Variants in PRDM16 observed in about 807,000 individuals in gnomAD.
The protein encoded by PRDM16 is PR/SET domain 16, also known as histone-lysine N-methyltransferase PRDM16.
PRDM16 carries 23 observed loss-of-function variants against 110.6 expected under a neutral mutation model. That is an observed-to-expected ratio of 0.21 (90% CI 0.15 to 0.29). PRDM16 has a LOEUF of 0.29. Ranked by LOEUF, PRDM16 falls within the 10% of genes least tolerant of loss-of-function variation. PRDM16 has a pLI of 1.00. For synonymous variants in PRDM16, 799 were observed against 781.8 expected, an observed-to-expected ratio of 1.02 and a Z score of -0.37; for missense variants, 1,615 against 1,794.3, an observed-to-expected ratio of 0.90 and a Z score of 1.81.
At chr1:3,211,876 G>A (rs143760842) in intron 2 of PRDM16, among the ~76,000 whole-genome samples, 1 of 152,372 alleles carries the variant, frequency 6.6e-6, no homozygotes, top group Non-Finnish European at 1.5e-5. Flanking sequence ...GTGAGTGTGT[G>A]GGTGGGAGCG....
chr1:3,393,054 G>A (rs895393116), intron 4 of PRDM16, among the ~76,000 whole-genome samples: 2 of 152,188 alleles, frequency 1.3e-5, no homozygotes, highest in African/African-American at 4.8e-5. Context: ...AGTCTGTTTG[G>A]CATCATTATT....
rs540745961 is a variant in PRDM16, at chr1:3,220,776, C to G, written c.388-23311C>G. ...GGGAGGCAGCCCAGGGTGCAGGGCTCGTGCATCTGCTCGCCTCCTCCAAGG... is the reference window on the plus strand; with the variant it reads ...GGGAGGCAGCCCAGGGTGCAGGGCTGGTGCATCTGCTCGCCTCCTCCAAGG... On this transcript the variant is annotated intron_variant, in intron 2 of 16. Transcript: ENST00000270722. Among the ~76,000 whole-genome samples the G allele has an allele frequency of 1.6e-4, 24 of 152,268 alleles. No individual in the cohort carries two copies. In the Middle Eastern group the frequency reaches 0.01, roughly 65 times the overall value.
At chr1:3,369,086 G>C (rs1257935746) in intron 3 of PRDM16, among the ~76,000 whole-genome samples, 1 of 152,158 alleles carries the variant, frequency 6.6e-6, no homozygotes, top group Non-Finnish European at 1.5e-5. Context: ...GACCTGAAAG[G>C]GATCCAGGTA....
rs1214802000 is a variant in PRDM16 at position 3,425,873 on chromosome 1, G to T, written c.3109+123G>T. 1.9e-5 allele frequency: 25 copies of T among 1,320,954 alleles called. No individual in the cohort carries two copies. The highest frequency in any genetic ancestry group is 4.2e-6 in the Non-Finnish European group (4 of 960,174). The allele number at this position is 1,320,954 out of a possible 1,614,324, so 81.8% of individuals were successfully genotyped here. On this transcript the variant is annotated intron_variant, in intron 13 of 16. Coordinates refer to ENST00000270722, the MANE Select transcript of PRDM16 (RefSeq NM_022114.4). The surrounding 1 kb of genome is among the most constrained non-coding windows in gnomAD (Gnocchi z 6.9). ...AAGAGGGCCACAGACTACCCCTCAG[G>T]AAGCCAACAGGCACCCCTCAAACCG...
intron 1 of PRDM16, among the ~76,000 whole-genome samples, chr1:3,173,290 C>A (rs914188770): frequency 1.2e-4 from 19 of 152,240 alleles, no homozygotes; most frequent in African/African-American, 3.6e-4. Context: ...AGGCTTTTTA[C>A]CCGGAACAAG....
rs1640278581 is a variant in PRDM16, at chr1:3,265,929, C to T, written c.438+21792C>T. 6.6e-6 allele frequency among the ~76,000 whole-genome samples: 1 copy of T among 152,096 alleles called. No individual in the cohort carries two copies. Among genetic ancestry groups the T allele is most frequent in the South Asian group, 2.1e-4 (1 of 4,828 alleles). ...CCCCAGGGTTCCTTGGTGCGTGTCTCATAAAGCCCAGGAGGGCGAGGCCAG... is the reference window on the plus strand; with the variant it reads ...CCCCAGGGTTCCTTGGTGCGTGTCTTATAAAGCCCAGGAGGGCGAGGCCAG... On this transcript the variant is annotated intron_variant, in intron 3 of 16. Coordinates refer to ENST00000270722, the MANE Select transcript of PRDM16 (RefSeq NM_022114.4). The surrounding 1 kb of genome is among the most constrained non-coding windows in gnomAD (Gnocchi z 4.5).
At chr1:3,356,985 G>A (rs1000341420) in intron 3 of PRDM16, among the ~76,000 whole-genome samples, 1 of 152,204 alleles carries the variant, frequency 6.6e-6, no homozygotes, top group Non-Finnish European at 1.5e-5. Flanking sequence ...CCTGGACTTT[G>A]TCCAGATGCA....
chr1:3,385,118 A>T (rs1207910321), intron 3 of PRDM16, 34 bp from the exon 4 acceptor site: 9 of 1,612,178 alleles, frequency 5.6e-6, no homozygotes, highest in Non-Finnish European at 7.6e-6. Flanking sequence ...CACACAGGGC[A>T]CCTCTGACTC....
rs542279737 is a variant in PRDM16 at position 3,430,939 on chromosome 1, G to A, written c.3352G>A (p.Val1118Met). Residue 1118 changes from valine (V) to methionine (M), a missense_variant, in exon 15 of 17, where the codon GTG becomes ATG. By Grantham distance (21) the Val-to-Met change is conservative (BLOSUM62 1). Around this residue, in one of 5 missense-constraint regions of PRDM16, gnomAD observed 327 missense variants for 359.3 expected, o/e 0.91. Coordinates refer to ENST00000270722, the MANE Select transcript of PRDM16 (RefSeq NM_022114.4). The part of the protein sequence containing the change: ...PGLASEKQED[V>M]EEEDDDDLEE... ...CCTAGCCAGTGAGAAGCAGGAGGAC[G>A]TGGAGGAGGAGGACGACGATGACCT... is the stretch of plus-strand genomic sequence containing the variant. 2.7e-5 allele frequency: 43 copies of A among 1,614,078 alleles called. No homozygotes were observed. The African/African-American group carries it at 3.5e-4, about 13-fold the overall frequency.
chr1:3,280,638 A>C (rs1175018786), intron 3 of PRDM16, among the ~76,000 whole-genome samples: 2 of 152,226 alleles, frequency 1.3e-5, no homozygotes, highest in Non-Finnish European at 2.9e-5. Context: ...CTGTGGCGTT[A>C]AGGTCACACT....
At chr1:3,333,684 A>G (rs1052357399) in intron 3 of PRDM16, among the ~76,000 whole-genome samples, 1 of 151,996 alleles carries the variant, frequency 6.6e-6, no homozygotes, top group Admixed American at 6.6e-5. Context: ...TCCAAATCTC[A>G]TGTTGAAGTG....
At chr1:3,126,241 C>A (rs1481176447) in intron 1 of PRDM16, among the ~76,000 whole-genome samples, 1 of 152,192 alleles carries the variant, frequency 6.6e-6, no homozygotes, top group African/African-American at 2.4e-5. Flanking sequence ...CAGCTCTCGC[C>A]GCCGCCGCAC....
chr1:3,216,013 T>A (rs1639023948), intron 2 of PRDM16, among the ~76,000 whole-genome samples: 1 of 152,020 alleles, frequency 6.6e-6, no homozygotes, highest in Non-Finnish European at 1.5e-5. Flanking sequence ...GAATAAATAC[T>A]CGGCAATGAT....
chr1:3,432,949 T>C (rs2493272), intron 16 of PRDM16, among the ~76,000 whole-genome samples: 60,348 of 152,068 alleles, frequency 0.4, 15,218 homozygotes, highest in African/African-American at 0.71. Flanking sequence ...AGAATCCCAT[T>C]GGCCCAGAAA....
chr1:3,097,187 G>C (rs2100610080), intron 1 of PRDM16, among the ~76,000 whole-genome samples: 2 of 149,950 alleles, frequency 1.3e-5, no homozygotes, highest in Middle Eastern at 3.4e-3. Flanking sequence ...GCCTCTCTCT[G>C]TACCCACAGC....
At chr1:3,187,933 G>A (rs1220120967) in intron 2 of PRDM16, among the ~76,000 whole-genome samples, 4 of 152,312 alleles carry the variant, frequency 2.6e-5, no homozygotes, top group Admixed American at 6.5e-5. Context: ...CCTGTGGAAC[G>A]GGCGTACCCC....
chr1:3,096,299 G>A (rs1007223317), intron 1 of PRDM16, among the ~76,000 whole-genome samples: 1 of 152,096 alleles, frequency 6.6e-6, no homozygotes. Flanking sequence ...TCGCTGTCCT[G>A]TCCTCTCTAG....
In PRDM16 at chr1:3,412,241, C is replaced by T. The variant is rs1337188651; in HGVS notation, c.2044C>T (p.Leu682=). Residue 682 remains leucine (L), a synonymous_variant, in exon 9 of 17, where the codon CTG becomes TTG. Transcript: ENST00000270722. ...HSFFPPPDEQ[L]LTATGAAGDS... ...ATTCTTCCCGCCACCCGACGAGCAG[C>T]TGCTGACTGCAACGGGCGCCGCCGG... The T allele has an allele frequency of 1.2e-6, 2 of 1,610,622 alleles. No individual in the cohort carries two copies. The highest frequency in any genetic ancestry group is 2.2e-5 in the South Asian group (2 of 91,042).
At chr1:3,104,447 G>A (rs1212357344) in intron 1 of PRDM16, among the ~76,000 whole-genome samples, 1 of 152,182 alleles carries the variant, frequency 6.6e-6, no homozygotes, top group Non-Finnish European at 1.5e-5. Context: ...GCCCGGGGAG[G>A]GACAGTGCTA....
Sources: allele counts gnomAD v4.1 joint callset (sites outside exome capture counted in the v4.1 genomes callset), GRCh38; gene constraint gnomAD v4.1.1; regional missense constraint gnomAD v4.1.1; non-coding constraint Gnocchi (gnomAD v3.1); transcripts MANE v1.5; gene names NCBI Gene and HGNC (gene_info 2026-07-23, HGNC 2026-07-21).